Variants in NDRG1 observed in about 807,000 individuals in gnomAD.
NDRG1 encodes protein NDRG1.
A neutral mutation model predicts 56.9 loss-of-function variants in NDRG1; 32 were observed. That is an observed-to-expected ratio of 0.56 (90% CI 0.42 to 0.76). NDRG1 has a LOEUF of 0.76. NDRG1 is among the 30% of genes least tolerant of loss of function. The probability of loss-of-function intolerance (pLI) is 0.00; values close to 1 mark genes in which losing one functional copy is unlikely to be tolerated. For synonymous variants in NDRG1, 211 were observed against 204.1 expected (o/e 1.03, Z -0.29); for missense variants, 507 against 545.7 (o/e 0.93, Z 0.71).
At chr8:133,294,440 T>G (rs1858616396) in intron 1 of NDRG1, among the ~76,000 whole-genome samples, 1 of 152,232 alleles carries the variant, frequency 6.6e-6, no homozygotes. Context: ...TGAACCCTGC[T>G]TGAGTCTCAG....
intron 6 of NDRG1, among the ~76,000 whole-genome samples, chr8:133,258,662 G>C (rs1440088103): frequency 6.6e-6 from 1 of 152,228 alleles, no homozygotes; most frequent in South Asian, 2.1e-4. Context: ...GGCTCTGAGA[G>C]ACCGTCTGAC....
rs569050887 is a variant in NDRG1 at position 133,292,200 on chromosome 8, T to C, written c.-19+4934A>G. Among the ~76,000 whole-genome samples, 28 of 152,288 alleles carry C rather than the reference T, an allele frequency of 1.8e-4. No individual in the cohort carries two copies. In the South Asian group the frequency reaches 5.8e-3, roughly 32 times the overall value. Reference sequence around the variant, plus strand: ...GCGCTGGATGGTCTGAGATAATTTGTGGAAATCACACAAACGGAGCCAGTG... The same window carrying C: ...GCGCTGGATGGTCTGAGATAATTTGCGGAAATCACACAAACGGAGCCAGTG... On this transcript the variant is annotated intron_variant, in intron 1 of 15. Coordinates refer to ENST00000323851, the MANE Select transcript of NDRG1 (RefSeq NM_006096.4).
chr8:133,294,610 C>T (rs1278644020), intron 1 of NDRG1, among the ~76,000 whole-genome samples: 1 of 152,036 alleles, frequency 6.6e-6, no homozygotes, highest in Non-Finnish European at 1.5e-5. Context: ...CAAGTTCAGG[C>T]CAGCGGATTT....
chr8:133,271,873 G>A (rs995859414), intron 3 of NDRG1, among the ~76,000 whole-genome samples: 6 of 142,576 alleles, frequency 4.2e-5, no homozygotes, highest in East Asian at 2.3e-4. Flanking sequence ...GGAGGAACAC[G>A]ATAAAAAGAC....
chr8:133,254,481 G>A, intron 9 of NDRG1, 58 bp downstream of exon 9: 2 of 1,592,218 alleles, frequency 1.3e-6, no homozygotes, highest in Non-Finnish European at 8.6e-7. Flanking sequence ...CCTGTGCTGA[G>A]CACCACACAA....
At chr8:133,240,591 G>C (rs1455745705) in intron 15 of NDRG1, 1 of 152,240 alleles carries the variant, frequency 6.6e-6, no homozygotes, top group South Asian at 2.1e-4. Context: ...GCACCCCGTG[G>C]TGTGCAGAAG....
intron 15 of NDRG1, chr8:133,241,821 G>C: frequency 1.6e-6 from 1 of 641,256 alleles, no homozygotes; most frequent in East Asian, 2.7e-5. Context: ...CAACAAAGGA[G>C]GAAAAATGAG....
In NDRG1 at chr8:133,250,537, T is replaced by C. The variant is rs752503268; in HGVS notation, c.601A>G (p.Met201Val). ...VVSHLFGKEEMQSNVEVVHTY... is the reference protein window; with the variant it reads ...VVSHLFGKEEVQSNVEVVHTY... ...TGGACCACTTCCACGTTACTCTGCA[T>C]TTCTTCCTGCATTTAGAGAGGTGAG... is the stretch of plus-strand genomic sequence containing the variant. Residue 201 changes from methionine (M) to valine (V), a missense_variant, in exon 10 of 16, where the codon ATG becomes GTG. By Grantham distance (21) the Met-to-Val change is conservative. Transcript: ENST00000323851. The C allele has an allele frequency of 1.9e-5, 30 of 1,613,876 alleles. No individual in the cohort carries two copies. The South Asian group carries it at 2.0e-4, about 11-fold the overall frequency.
At chr8:133,291,167 C>T (rs955409666) in intron 1 of NDRG1, among the ~76,000 whole-genome samples, 1 of 152,200 alleles carries the variant, frequency 6.6e-6, no homozygotes, top group Non-Finnish European at 1.5e-5. Flanking sequence ...CCAACAGCAA[C>T]TGGCCCAGAT....
At chr8:133,250,212 T>C (rs1855937106) in intron 10 of NDRG1, among the ~76,000 whole-genome samples, 1 of 152,178 alleles carries the variant, frequency 6.6e-6, no homozygotes, top group African/African-American at 2.4e-5. Context: ...GCACCCCCAG[T>C]GGTCTGGAGT....
chr8:133,267,334 G>T (rs566828958), intron 3 of NDRG1, among the ~76,000 whole-genome samples: 1 of 152,318 alleles, frequency 6.6e-6, no homozygotes, highest in South Asian at 2.1e-4. Context: ...TGAGGGTGGT[G>T]ACACATAAAG....
intron 7 of NDRG1, among the ~76,000 whole-genome samples, chr8:133,257,779 A>G (rs1419745892): frequency 6.6e-6 from 1 of 152,204 alleles, no homozygotes; most frequent in Non-Finnish European, 1.5e-5. Context: ...TCATGTCAGC[A>G]TTCCTTTCTT....
rs1416561443 is a variant in NDRG1 at position 133,247,856 on chromosome 8, A to T, written c.807+19T>A. ...GCCTGTTGAATTAAACACAGAAATC[A>T]GCTGTGATTTCTACATACCACGGCA... On this transcript the variant is annotated intron_variant, in intron 12 of 15. Transcript: ENST00000323851. 6.2e-7 allele frequency: 1 copy of T among 1,613,668 alleles called. No homozygotes were observed. The highest frequency in any genetic ancestry group is 2.2e-5 in the East Asian group (1 of 44,890).
intron 1 of NDRG1, among the ~76,000 whole-genome samples, chr8:133,291,347 T>C (rs1400279233): frequency 6.6e-6 from 1 of 152,228 alleles, no homozygotes; most frequent in Non-Finnish European, 1.5e-5. Context: ...CAGCACCATT[T>C]CTGCCTGAAC....
At chr8:133,259,853 CAG>C (rs1400544371) in intron 5 of NDRG1, among the ~76,000 whole-genome samples, 1 of 152,156 alleles carries the variant, frequency 6.6e-6, no homozygotes, top group African/African-American at 2.4e-5. Context: ...CCTATCGAAA[CAG>C]AGACCTGCCG....
chr8:133,260,694 G>A (rs1487020090), intron 5 of NDRG1, among the ~76,000 whole-genome samples: 1 of 152,106 alleles, frequency 6.6e-6, no homozygotes, highest in East Asian at 1.9e-4. Context: ...TTTTGGTCCT[G>A]GCCCCATACG....
In NDRG1 at chr8:133,294,635, G is replaced by A. The variant is rs142471819; in HGVS notation, c.-19+2499C>T. On this transcript the variant is annotated intron_variant, in intron 1 of 15. Coordinates refer to ENST00000323851, the MANE Select transcript of NDRG1 (RefSeq NM_006096.4). ...CCAGCGGATTTCAACGTAACCCAGG[G>A]GGGCCCTCAGCTCAGTTGAGATCTG... Among the ~76,000 whole-genome samples, 82 of 151,754 alleles carry A rather than the reference G, an allele frequency of 5.4e-4. No individual in the cohort carries two copies. The East Asian group carries it at 0.012, about 22-fold the overall frequency.
intron 3 of NDRG1, among the ~76,000 whole-genome samples, chr8:133,268,524 G>A (rs1392171046): frequency 6.6e-6 from 1 of 152,158 alleles, no homozygotes; most frequent in African/African-American, 2.4e-5. Flanking sequence ...GTCACACAGG[G>A]GCAGGGCTGC....
Position 133,286,687 on chromosome 8 carries a change from T to C in NDRG1, c.-18-2358A>G, listed in dbSNP as rs148340249. Reference sequence around the variant, plus strand: ...CCAGAGATAAAACTGCTGAGGATGATCACGGGGTATATCTAAACTAGGGGG... The same window carrying C: ...CCAGAGATAAAACTGCTGAGGATGACCACGGGGTATATCTAAACTAGGGGG... On this transcript the variant is annotated intron_variant, in intron 1 of 15. Transcript: ENST00000323851. 4.9e-3 allele frequency among the ~76,000 whole-genome samples: 740 copies of C among 152,296 alleles called. 9 individuals carry two copies. Among genetic ancestry groups the C allele is most frequent in the African/African-American group, 0.017 (692 of 41,542 alleles).
Sources: gnomAD v4.1 joint callset for allele counts (sites outside exome capture counted in the v4.1 genomes callset) on GRCh38, gnomAD v4.1.1 for gene constraint, MANE v1.5 for transcripts, NCBI Gene and HGNC (gene_info 2026-07-23, HGNC 2026-07-21) for gene names.